TTC28: variants seen among roughly 807,000 people sequenced by gnomAD.
TTC28 encodes the protein tetratricopeptide repeat protein 28.
A neutral mutation model predicts 198.0 loss-of-function variants in TTC28; 61 were observed. The ratio of observed to expected loss-of-function variants is 0.31; its 90% CI spans 0.25 to 0.38. The LOEUF (loss-of-function observed/expected upper bound fraction) is 0.38. Ranked by LOEUF, TTC28 falls within the 10% of genes least tolerant of loss-of-function variation. The pLI, the probability that TTC28 is intolerant of heterozygous loss-of-function variation, is 1.00. For missense variants in TTC28, 2,678 were observed against 3,164.0 expected, an observed-to-expected ratio of 0.85 and a Z score of 3.69; for synonymous variants, 1,171 against 1,297.8, an observed-to-expected ratio of 0.90 and a Z score of 2.10.
At chr22:28,061,745 T>C (rs1197388358) in intron 12 of TTC28, among the ~76,000 whole-genome samples, 1 of 152,228 alleles carries the variant, frequency 6.6e-6, no homozygotes, top group African/African-American at 2.4e-5. Flanking sequence ...TTTTTTCCAA[T>C]TCTGTGAAGA....
At chr22:28,299,611 T>G (rs544526339) in intron 3 of TTC28, among the ~76,000 whole-genome samples, 46 of 152,304 alleles carry the variant, frequency 3.0e-4, no homozygotes, top group African/African-American at 1.1e-3. Flanking sequence ...TGAGCAGAAT[T>G]TTGGTGGTGC....
chr22:28,077,737 CA>C (rs1941214583), intron 12 of TTC28, among the ~76,000 whole-genome samples: 1 of 152,112 alleles, frequency 6.6e-6, no homozygotes, highest in African/African-American at 2.4e-5. Flanking sequence ...TATAGAAAAA[CA>C]CCAAAAGGGA....
chr22:28,646,419 T>C (rs1176566215), intron 1 of TTC28, among the ~76,000 whole-genome samples: 1 of 152,048 alleles, frequency 6.6e-6, no homozygotes, highest in Non-Finnish European at 1.5e-5. Context: ...CACAAACAAA[T>C]AGAAATCTAT....
In TTC28 at chr22:27,992,379, T is replaced by A; in HGVS notation, c.5553+208A>T. On this transcript the variant is annotated intron_variant, in intron 19 of 22. Transcript: ENST00000397906. ...TAAGGGGCAGTGCCGCTGGCACGGA[T>A]GCCTTGGCATCGCAGATGGAAACAG... The A allele has an allele frequency of 1.2e-5, 7 of 589,008 alleles. No individual in the cohort carries two copies. The South Asian group carries it at 1.4e-4, about 12-fold the overall frequency. The allele number at this position is 589,008 out of a possible 1,614,324, so 36.5% of individuals were successfully genotyped here.
chr22:28,595,836 A>C (rs1228986268), intron 2 of TTC28, among the ~76,000 whole-genome samples: 3 of 152,196 alleles, frequency 2.0e-5, no homozygotes, highest in African/African-American at 7.2e-5. Flanking sequence ...AGGCAGGAGA[A>C]TCGCTTGAAC....
intron 2 of TTC28, among the ~76,000 whole-genome samples, chr22:28,336,811 TTG>T (rs1382615277): frequency 2.0e-5 from 3 of 152,232 alleles, no homozygotes; most frequent in Non-Finnish European, 2.9e-5. Context: ...CACTGATTTT[TTG>T]AGGGGCTTTT....
rs1224000121 is a variant in TTC28, at chr22:28,098,904, G to A, written c.3547+11C>T. 1 of 1,551,456 alleles carries A rather than the reference G, an allele frequency of 6.4e-7. No homozygotes were observed. Among genetic ancestry groups the A allele is most frequent in the Non-Finnish European group, 8.7e-7 (1 of 1,146,854 alleles). On this transcript the variant is annotated intron_variant, in intron 10 of 22. Coordinates refer to ENST00000397906, the MANE Select transcript of TTC28 (RefSeq NM_001145418.2). ...CACACGTAAGCAAGGAGTAACCCCAGCTGTTCTCACCTAGGCTGACGAGCA... is the reference window on the plus strand; with the variant it reads ...CACACGTAAGCAAGGAGTAACCCCAACTGTTCTCACCTAGGCTGACGAGCA...
intron 2 of TTC28, among the ~76,000 whole-genome samples, chr22:28,494,713 CT>C (rs2048427678): frequency 6.6e-6 from 1 of 151,798 alleles, no homozygotes; most frequent in Non-Finnish European, 1.5e-5. Context: ...TTCAGTTTAT[CT>C]TTTAACAAAG....
At chr22:28,424,462 T>C (rs2047314912) in intron 2 of TTC28, among the ~76,000 whole-genome samples, 1 of 152,192 alleles carries the variant, frequency 6.6e-6, no homozygotes, top group Non-Finnish European at 1.5e-5. Flanking sequence ...TGTATTATAA[T>C]TAAATATTAA....
chr22:28,408,113 T>C (rs1055539155), intron 2 of TTC28, among the ~76,000 whole-genome samples: 1 of 152,170 alleles, frequency 6.6e-6, no homozygotes, highest in African/African-American at 2.4e-5. Flanking sequence ...GTAGACTTAA[T>C]TAATAAGATA....
chr22:28,404,092 T>A (rs1020978543), intron 2 of TTC28, among the ~76,000 whole-genome samples: 4 of 152,132 alleles, frequency 2.6e-5, no homozygotes, highest in African/African-American at 9.7e-5. Flanking sequence ...AATTTAAAAA[T>A]TTTTAACTAG....
chr22:28,536,807 G>T (rs1347560238), intron 2 of TTC28, among the ~76,000 whole-genome samples: 2 of 151,948 alleles, frequency 1.3e-5, no homozygotes, highest in African/African-American at 2.4e-5. Context: ...TAGGCAATTG[G>T]ATTTCAAAGT....
At chr22:28,357,043 C>T (rs549473249) in intron 2 of TTC28, among the ~76,000 whole-genome samples, 1 of 152,238 alleles carries the variant, frequency 6.6e-6, no homozygotes, top group South Asian at 2.1e-4. Context: ...ACTCCAATTT[C>T]ATTTTAGTCT....
intron 5 of TTC28, among the ~76,000 whole-genome samples, chr22:28,218,627 G>A (rs185216731): frequency 2.0e-5 from 3 of 151,890 alleles, no homozygotes; most frequent in African/African-American, 4.8e-5. Flanking sequence ...GTGCACAAGC[G>A]CCTTTCTTTT....
chr22:28,677,108 A>G (rs2052001534), intron 1 of TTC28, among the ~76,000 whole-genome samples: 1 of 144,972 alleles, frequency 6.9e-6, no homozygotes, highest in East Asian at 2.0e-4. Context: ...TGAGGCCAAG[A>G]TCATGCCATT....
intron 2 of TTC28, among the ~76,000 whole-genome samples, chr22:28,604,030 C>T (rs536117716): frequency 3.9e-5 from 6 of 152,098 alleles, no homozygotes; most frequent in African/African-American, 1.4e-4. Context: ...GTAATCCCAG[C>T]ATTTTGGGAG....
intron 6 of TTC28, among the ~76,000 whole-genome samples, chr22:28,135,182 G>C (rs917856409): frequency 6.6e-6 from 1 of 152,126 alleles, no homozygotes; most frequent in Non-Finnish European, 1.5e-5. Context: ...AGGTAGGGGT[G>C]GGGGACTGCC....
chr22:28,084,748 A>C (rs1366760048), intron 12 of TTC28, among the ~76,000 whole-genome samples: 1 of 152,150 alleles, frequency 6.6e-6, no homozygotes, highest in Non-Finnish European at 1.5e-5. Flanking sequence ...ATGGCAAAGA[A>C]GTTAAAAACT....
rs185119690 is a variant in TTC28 at position 28,282,162 on chromosome 22, C to T, written c.933+14036G>A. 9.3e-4 allele frequency among the ~76,000 whole-genome samples: 142 copies of T among 152,104 alleles called. 1 individual carries two copies. The highest frequency in any genetic ancestry group is 3.3e-3 in the African/African-American group (135 of 41,508). Reference sequence around the variant, plus strand: ...TGCCTGTTTGGTTATTCTCTAGTACCCTCATATAGCTGTTTGTTTTATATT... The same window carrying T: ...TGCCTGTTTGGTTATTCTCTAGTACTCTCATATAGCTGTTTGTTTTATATT... On this transcript the variant is annotated intron_variant, in intron 5 of 22. Coordinates refer to ENST00000397906, the MANE Select transcript of TTC28 (RefSeq NM_001145418.2).
Sources: allele counts gnomAD v4.1 joint callset (sites outside exome capture counted in the v4.1 genomes callset), GRCh38; gene constraint gnomAD v4.1.1; transcripts MANE v1.5; gene names NCBI Gene and HGNC (gene_info 2026-07-23, HGNC 2026-07-21).